The following FREM3 variants were observed in gnomAD, a reference collection of about 807,000 sequenced individuals.
The protein encoded by FREM3 is FRAS1 related extracellular matrix 3.
In FREM3, 105 loss-of-function variants were observed where a neutral mutation model predicts 129.1. The observed-to-expected ratio is 0.81, with a 90% CI of 0.69 to 0.96. FREM3 has a LOEUF of 0.96. FREM3 is among the 40% of genes least tolerant of loss of function. FREM3 has a pLI of 0.00. For missense variants in FREM3, 2,593 were observed against 2,666.3 expected (o/e 0.97, Z 0.61); for synonymous variants, 1,014 against 1,044.9 (o/e 0.97, Z 0.57).
chr4:143,611,212 C>CA, intron 6 of FREM3, 67 bp downstream of exon 6: 1 of 1,466,906 alleles, frequency 6.8e-7, no homozygotes, highest in East Asian at 2.5e-5. Context: ...ATTTGCCTTT[C>CA]AACTGTTGGA....
At chr4:143,686,794 G>A (rs1164981241) in intron 2 of FREM3, among the ~76,000 whole-genome samples, 11 of 152,048 alleles carry the variant, frequency 7.2e-5, no homozygotes, top group East Asian at 1.9e-4. Context: ...ATAATAACAC[G>A]ACCTATCAAA....
chr4:143,646,512 T>G (rs1413712978), intron 2 of FREM3, among the ~76,000 whole-genome samples: 1 of 152,206 alleles, frequency 6.6e-6, no homozygotes, highest in Non-Finnish European at 1.5e-5. Context: ...TCAGCCATGC[T>G]GGTCTTGTGA....
intron 3 of FREM3, among the ~76,000 whole-genome samples, chr4:143,626,442 A>G (rs1301792559): frequency 1.3e-5 from 2 of 152,296 alleles, no homozygotes; most frequent in East Asian, 3.9e-4. Flanking sequence ...CAAAGGGTTC[A>G]GTTAGGGCAA....
intron 6 of FREM3, among the ~76,000 whole-genome samples, chr4:143,586,288 G>A (rs981052682): frequency 7.9e-5 from 12 of 152,130 alleles, no homozygotes; most frequent in African/African-American, 2.9e-4. Flanking sequence ...TTTCCTATTA[G>A]GGAAAATTGG....
intron 2 of FREM3, among the ~76,000 whole-genome samples, chr4:143,675,024 T>C (rs1303188021): frequency 6.6e-6 from 1 of 152,128 alleles, no homozygotes; most frequent in African/African-American, 2.4e-5. Flanking sequence ...TGAACTCAGC[T>C]CTGCACCAAG....
intron 2 of FREM3, among the ~76,000 whole-genome samples, chr4:143,683,787 C>A (rs1341129970): frequency 1.3e-5 from 2 of 152,202 alleles, no homozygotes; most frequent in Non-Finnish European, 2.9e-5. Context: ...CTGTGTGGTT[C>A]TCCACCTGGA....
At chr4:143,588,964 T>C (rs1169337726) in intron 6 of FREM3, among the ~76,000 whole-genome samples, 2 of 151,902 alleles carry the variant, frequency 1.3e-5, no homozygotes, top group African/African-American at 4.8e-5. Context: ...TATCTCATTG[T>C]GGTTTTGATT....
At chr4:143,661,554 T>C (rs1346205566) in intron 2 of FREM3, among the ~76,000 whole-genome samples, 1 of 151,824 alleles carries the variant, frequency 6.6e-6, no homozygotes, top group Non-Finnish European at 1.5e-5. Context: ...AATTCTCTTT[T>C]TTGGTTGTGT....
chr4:143,594,910 G>A (rs1331543025), intron 6 of FREM3, among the ~76,000 whole-genome samples: 1 of 152,180 alleles, frequency 6.6e-6, no homozygotes, highest in Non-Finnish European at 1.5e-5. Context: ...GATTCTAAAG[G>A]ATGGGCAATT....
At chr4:143,583,655 C>T (rs766291301) in intron 7 of FREM3, among the ~76,000 whole-genome samples, 1 of 151,020 alleles carries the variant, frequency 6.6e-6, no homozygotes, top group Non-Finnish European at 1.5e-5. Context: ...CTTTATTAAG[C>T]ATTATTAAAA....
intron 2 of FREM3, among the ~76,000 whole-genome samples, chr4:143,651,262 T>C (rs570118119): frequency 6.6e-6 from 1 of 152,316 alleles, no homozygotes; most frequent in African/African-American, 2.4e-5. Flanking sequence ...GCTGGTCTAT[T>C]AGATGATTTC....
chr4:143,586,105 C>T (rs1367494654), intron 6 of FREM3, 112 bp from the exon 7 acceptor site: 1 of 1,038,784 alleles, frequency 9.6e-7, no homozygotes, highest in Non-Finnish European at 1.4e-6. Flanking sequence ...CATGACAGAT[C>T]CCATAGGTCT....
chr4:143,587,264 T>C (rs1271283146), intron 6 of FREM3, among the ~76,000 whole-genome samples: 1 of 152,220 alleles, frequency 6.6e-6, no homozygotes, highest in African/African-American at 2.4e-5. Flanking sequence ...GATAAAGAGT[T>C]GCCTTCTCTG....
intron 2 of FREM3, among the ~76,000 whole-genome samples, chr4:143,636,333 C>CAAAAA (rs35792262): frequency 3.7e-5 from 3 of 81,458 alleles, no homozygotes; most frequent in Non-Finnish European, 4.8e-5. Flanking sequence ...GCAGCCTGTC[C>CAAAAA]AAAAAAAAAA....
chr4:143,671,303 C>T (rs1485070789), intron 2 of FREM3, among the ~76,000 whole-genome samples: 1 of 152,128 alleles, frequency 6.6e-6, no homozygotes, highest in Admixed American at 6.5e-5. Context: ...CAAATTATCT[C>T]CCTCTCCGCT....
At position 143,611,532 on chromosome 4, in the gene FREM3, A is replaced by G; in HGVS notation, c.5780-5T>C. The stretch of plus-strand genomic sequence containing the variant: ...AAATCGTGCCTGTGGCAGAACCTAC[A>G]GAAATATGAGAAGGAACAGGGAGGT... On this transcript the variant is annotated splice_region_variant and splice_polypyrimidine_tract_variant and intron_variant, in intron 5 of 7. Transcript: ENST00000329798. 3.3e-6 allele frequency: 5 copies of G among 1,536,426 alleles called. No homozygotes were observed. Among genetic ancestry groups the G allele is most frequent in the Non-Finnish European group, 4.4e-6 (5 of 1,146,326 alleles).
At chr4:143,589,522 C>G (rs80128627) in intron 6 of FREM3, among the ~76,000 whole-genome samples, 150,860 of 152,230 alleles carry the variant, frequency 0.99, 74,764 homozygotes, top group Middle Eastern at 1. Context: ...GCTTGTTTTT[C>G]TCAGGTTTGG....
rs1309044056 is a variant in FREM3, at chr4:143,653,711, T to TGGCTGCACATTAGA, written c.5276-25965_5276-25952dup. 3.9e-5 allele frequency among the ~76,000 whole-genome samples: 6 copies of TGGCTGCACATTAGA among 152,338 alleles called. No homozygotes were observed. The South Asian group carries it at 1.2e-3, about 32-fold the overall frequency. ...CATTTTGACCCCATTGTTTCCAACT[T>TGGCTGCACATTAGA]GGCTGCACATTAGAATTGCTGGGGA... On this transcript the variant is annotated intron_variant, in intron 2 of 7. Transcript: ENST00000329798.
In FREM3 at chr4:143,621,019, C is replaced by T. The variant is rs1367057804; in HGVS notation, c.5779+18G>A. 1 of 1,536,626 alleles carries T rather than the reference C, an allele frequency of 6.5e-7. No individual in the cohort carries two copies. Among genetic ancestry groups the T allele is most frequent in the Non-Finnish European group, 8.7e-7 (1 of 1,146,372 alleles). ...CATCATCTTATTCCTATGAACAGGA[C>T]CCCACAGAGCCTCATACCTTGACGT... On this transcript the variant is annotated intron_variant, in intron 5 of 7. Coordinates refer to ENST00000329798, the MANE Select transcript of FREM3 (RefSeq NM_001168235.2).
Sources: gnomAD v4.1 joint callset for allele counts (sites outside exome capture counted in the v4.1 genomes callset) on GRCh38, gnomAD v4.1.1 for gene constraint, MANE v1.5 for transcripts, NCBI Gene and HGNC (gene_info 2026-07-23, HGNC 2026-07-21) for gene names.